The following FRAS1 variants were observed in gnomAD, a reference collection of about 807,000 sequenced individuals.
FRAS1 encodes the protein extracellular matrix organizing protein FRAS1.
A neutral mutation model predicts 435.2 loss-of-function variants in FRAS1; 290 were observed. The observed-to-expected ratio is 0.67, with a 90% CI of 0.61 to 0.73. The LOEUF (loss-of-function observed/expected upper bound fraction) is 0.73. Ranked by LOEUF, FRAS1 falls within the 30% of genes least tolerant of loss-of-function variation. FRAS1 has a pLI of 0.00. For synonymous variants in FRAS1, 1,800 were observed against 1,851.0 expected (o/e 0.97, Z 0.71); for missense variants, 4,860 against 5,001.5 (o/e 0.97, Z 0.85).
At chr4:78,166,388 A>G (rs1477292757) in intron 2 of FRAS1, among the ~76,000 whole-genome samples, 1 of 152,190 alleles carries the variant, frequency 6.6e-6, no homozygotes, top group East Asian at 1.9e-4. Flanking sequence ...CCAAGCCTTG[A>G]AGAACGAGGT....
chr4:78,274,609 A>C (rs1489624859), intron 9 of FRAS1, among the ~76,000 whole-genome samples: 2 of 152,086 alleles, frequency 1.3e-5, no homozygotes, highest in African/African-American at 4.8e-5. Flanking sequence ...TTCATTTTCC[A>C]TGTAGTTGAG....
At chr4:78,125,443 T>G (rs1719291955) in intron 2 of FRAS1, among the ~76,000 whole-genome samples, 1 of 152,218 alleles carries the variant, frequency 6.6e-6, no homozygotes, top group African/African-American at 2.4e-5. Flanking sequence ...TGCAGTGTGG[T>G]GCTGAGAAGA....
intron 2 of FRAS1, among the ~76,000 whole-genome samples, chr4:78,209,367 G>A (rs1372491925): frequency 2.0e-5 from 3 of 152,132 alleles, no homozygotes; most frequent in Admixed American, 2.0e-4. Context: ...TTGGGTGTAA[G>A]CAATGGAAGA....
intron 9 of FRAS1, among the ~76,000 whole-genome samples, chr4:78,277,746 TAA>T (rs1727125876): frequency 6.6e-6 from 1 of 152,094 alleles, no homozygotes; most frequent in Admixed American, 6.5e-5. Context: ...ATGAAAATGA[TAA>T]GACTTGGAAA....
At chr4:78,496,611 C>T (rs1720514146) in intron 59 of FRAS1, among the ~76,000 whole-genome samples, 194 bp from the exon 60 acceptor site, 1 of 152,178 alleles carries the variant, frequency 6.6e-6, no homozygotes, top group African/African-American at 2.4e-5. Flanking sequence ...ATACAAGTCT[C>T]CACATATAGG....
chr4:78,128,170 G>A (rs1486011828), intron 2 of FRAS1, among the ~76,000 whole-genome samples: 9 of 152,094 alleles, frequency 5.9e-5, no homozygotes, highest in Admixed American at 2.6e-4. Context: ...CATTTGGGTT[G>A]GTTCCAAGTC....
chr4:78,372,764 C>T lies in FRAS1; in HGVS notation c.2916C>T (p.Asp972=), dbSNP rs1245823336. Residue 972 remains aspartate, a synonymous_variant, in exon 24 of 74, where the codon GAC becomes GAT. Transcript: ENST00000512123. ...CSACSGPLKT[D]CLQCMDGYVL... ...CATGCAGTGGGCCCCTGAAAACAGA[C>T]TGCCTGCAGTGCATGGATGGCTATG... The T allele has an allele frequency of 1.9e-6, 3 of 1,613,096 alleles. No individual in the cohort carries two copies. The highest frequency in any genetic ancestry group is 2.2e-5 in the South Asian group (2 of 91,046).
At chr4:78,119,131 C>G (rs1718862647) in intron 2 of FRAS1, among the ~76,000 whole-genome samples, 1 of 152,090 alleles carries the variant, frequency 6.6e-6, no homozygotes, top group Non-Finnish European at 1.5e-5. Flanking sequence ...GTGTAGTGAT[C>G]AGATCATGGC....
Position 78,387,371 on chromosome 4 carries a change from A to G in FRAS1, c.3649-4A>G. 1 of 1,594,100 alleles carries G rather than the reference A, an allele frequency of 6.3e-7. No individual in the cohort carries two copies. The highest frequency in any genetic ancestry group is 8.6e-7 in the Non-Finnish European group (1 of 1,168,488). The stretch of plus-strand genomic sequence containing the variant: ...ACTGACTCTTCTTCCCTTCAACTCC[A>G]CAGGCCCCCTATGTGCTGAGAAATG... On this transcript the variant is annotated splice_region_variant and splice_polypyrimidine_tract_variant and intron_variant, in intron 28 of 73. Transcript: ENST00000512123.
intron 2 of FRAS1, among the ~76,000 whole-genome samples, chr4:78,098,826 T>C (rs181184102): frequency 2.0e-5 from 3 of 152,336 alleles, no homozygotes; most frequent in Admixed American, 2.0e-4. Flanking sequence ...CAGTTAATAT[T>C]ACTGAGTGAA....
At chr4:78,169,973 G>A (rs1162828494) in intron 2 of FRAS1, among the ~76,000 whole-genome samples, 2 of 152,104 alleles carry the variant, frequency 1.3e-5, no homozygotes. Flanking sequence ...ATTGATCTAA[G>A]TAAGGCTTAT....
At chr4:78,336,194 C>A (rs1475523583) in intron 19 of FRAS1, among the ~76,000 whole-genome samples, 1 of 151,962 alleles carries the variant, frequency 6.6e-6, no homozygotes, top group African/African-American at 2.4e-5. Flanking sequence ...AATTCTTTGC[C>A]TTTTTCTAAC....
rs1292540347 is a variant in FRAS1, at chr4:78,182,037, G to A, written c.109-55473G>A. On this transcript the variant is annotated intron_variant, in intron 2 of 73. Coordinates refer to ENST00000512123, the MANE Select transcript of FRAS1 (RefSeq NM_025074.7). Reference sequence around the variant, plus strand: ...ACACAGCCGAAGCCTTCCTGTAAGTGCCCAGGCATGATGGTGGCTCGGCGG... The same window carrying A: ...ACACAGCCGAAGCCTTCCTGTAAGTACCCAGGCATGATGGTGGCTCGGCGG... 2.6e-5 allele frequency: 39 copies of A among 1,517,772 alleles called. No homozygotes were observed. The East Asian group carries it at 9.0e-4, about 35-fold the overall frequency. 94.0% of individuals were successfully genotyped at this position (1,517,772 alleles called of 1,614,324 possible). A position where few individuals can be genotyped will look rare whatever the true frequency, so the allele number is the denominator to read the frequency against.
intron 31 of FRAS1, among the ~76,000 whole-genome samples, chr4:78,408,821 G>C (rs1733203895): frequency 6.6e-6 from 1 of 152,102 alleles, no homozygotes; most frequent in African/African-American, 2.4e-5. Flanking sequence ...GTAGATTAAA[G>C]GACAAGAAGT....
At position 78,475,953 on chromosome 4, in the gene FRAS1, A is replaced by T. The variant is rs913179514; in HGVS notation, c.7851+347A>T. 1.3e-4 allele frequency among the ~76,000 whole-genome samples: 20 copies of T among 152,194 alleles called. 1 individual carries two copies. The highest frequency in any genetic ancestry group is 8.5e-4 in the Admixed American group (13 of 15,286). ...TTCTTTACCTAAAGGGAGAGAAGAG[A>T]GTGTGTAAGGAGACTGGTTGGGAAT... is the stretch of plus-strand genomic sequence containing the variant. On this transcript the variant is annotated intron_variant, in intron 54 of 73. Coordinates refer to ENST00000512123, the MANE Select transcript of FRAS1 (RefSeq NM_025074.7).
chr4:78,510,886 C>G (rs925125345), intron 63 of FRAS1, among the ~76,000 whole-genome samples: 12 of 152,190 alleles, frequency 7.9e-5, no homozygotes, highest in Non-Finnish European at 1.5e-4. Context: ...TCCTCTGTCT[C>G]CTGACATCAT....
chr4:78,219,089 C>T (rs1723931651), intron 2 of FRAS1, among the ~76,000 whole-genome samples: 2 of 152,000 alleles, frequency 1.3e-5, no homozygotes, highest in South Asian at 4.1e-4. Context: ...TGGTTTTTTT[C>T]TTTCTCATCT....
intron 2 of FRAS1, among the ~76,000 whole-genome samples, chr4:78,182,501 G>A (rs892360107): frequency 6.6e-6 from 1 of 152,216 alleles, no homozygotes; most frequent in Admixed American, 6.5e-5. Context: ...CAGAGTGCAG[G>A]AGAAAAGTAG....
intron 2 of FRAS1, among the ~76,000 whole-genome samples, chr4:78,073,870 C>T (rs1031604499): frequency 6.6e-6 from 1 of 151,964 alleles, no homozygotes; most frequent in South Asian, 2.1e-4. Context: ...AAAATTGGCA[C>T]AAAATAAAAT....
Sources: allele counts gnomAD v4.1 joint callset (sites outside exome capture counted in the v4.1 genomes callset), GRCh38; gene constraint gnomAD v4.1.1; transcripts MANE v1.5; gene names NCBI Gene and HGNC (gene_info 2026-07-23, HGNC 2026-07-21).